Variants in HECW1 observed in about 807,000 individuals in gnomAD.
HECW1 encodes the protein E3 ubiquitin-protein ligase HECW1.
In HECW1, 61 loss-of-function variants were observed where a neutral mutation model predicts 182.3. That is an observed-to-expected ratio of 0.33 (90% CI 0.27 to 0.41). HECW1 has a LOEUF of 0.41. Among genes scored for constraint, HECW1 ranks in the 10% least tolerant of loss-of-function variants. The pLI is 1.00. For synonymous variants in HECW1, 859 were observed against 832.6 expected (o/e 1.03, Z -0.55); for missense variants, 1,739 against 2,108.9 (o/e 0.82, Z 3.44).
chr7:43,271,829 T>G (rs1384894816), intron 3 of HECW1, among the ~76,000 whole-genome samples: 1 of 152,052 alleles, frequency 6.6e-6, no homozygotes, highest in Non-Finnish European at 1.5e-5. Flanking sequence ...TGTCATTTTT[T>G]ACAGAATTGG....
At chr7:43,264,209 A>G (rs1426908409) in intron 3 of HECW1, among the ~76,000 whole-genome samples, 1 of 152,176 alleles carries the variant, frequency 6.6e-6, no homozygotes, top group East Asian at 1.9e-4. Context: ...TGACGGAAAC[A>G]TTATACCTTT....
At chr7:43,158,374 C>G (rs1264608900) in intron 2 of HECW1, among the ~76,000 whole-genome samples, 1 of 152,066 alleles carries the variant, frequency 6.6e-6, no homozygotes, top group East Asian at 1.9e-4. Context: ...TATTGTAGAA[C>G]TTTTAGAAAA....
At chr7:43,188,824 G>A (rs1473163279) in intron 2 of HECW1, among the ~76,000 whole-genome samples, 2 of 152,198 alleles carry the variant, frequency 1.3e-5, no homozygotes, top group Non-Finnish European at 2.9e-5. Flanking sequence ...TTGGCCAACA[G>A]TACAGTGCCT....
chr7:43,547,975 G>C (rs891770968), intron 26 of HECW1, among the ~76,000 whole-genome samples: 1 of 152,082 alleles, frequency 6.6e-6, no homozygotes, highest in Non-Finnish European at 1.5e-5. Flanking sequence ...TGCGTTCATC[G>C]CAAAAAACAG....
intron 2 of HECW1, among the ~76,000 whole-genome samples, chr7:43,189,863 G>A (rs1793739548): frequency 6.6e-6 from 1 of 152,124 alleles, no homozygotes; most frequent in South Asian, 2.1e-4. Context: ...AGTTCCAAAA[G>A]TGCCTGGTAT....
At chr7:43,438,204 A>C (rs2076769706) in intron 9 of HECW1, 59 bp downstream of exon 9, 17 of 1,516,824 alleles carry the variant, frequency 1.1e-5, no homozygotes, top group Non-Finnish European at 1.5e-5. Flanking sequence ...TCGTGCCCAA[A>C]GGTGGCCTGT....
intron 5 of HECW1, among the ~76,000 whole-genome samples, chr7:43,354,966 G>C (rs1814919281): frequency 6.6e-6 from 1 of 150,972 alleles, no homozygotes; most frequent in Non-Finnish European, 1.5e-5. Flanking sequence ...TCAGGCAGCA[G>C]ACTTCTTAAT....
chr7:43,173,433 T>C (rs1791889828), intron 2 of HECW1, among the ~76,000 whole-genome samples: 1 of 152,166 alleles, frequency 6.6e-6, no homozygotes, highest in Non-Finnish European at 1.5e-5. Flanking sequence ...TCTGATTAAA[T>C]AAAGTTCTCT....
intron 3 of HECW1, among the ~76,000 whole-genome samples, chr7:43,294,625 C>T (rs1475147732): frequency 6.6e-6 from 1 of 152,184 alleles, no homozygotes; most frequent in Non-Finnish European, 1.5e-5. Flanking sequence ...GCAACATTTC[C>T]TGAAGGGGTC....
rs1376436304 is a variant in HECW1, at chr7:43,541,235, G to A, written c.4092G>A (p.Arg1364=). Residue 1364 remains arginine, a synonymous_variant, in exon 25 of 30, where the codon AGG becomes AGA. Coordinates refer to ENST00000395891, the MANE Select transcript of HECW1 (RefSeq NM_015052.5). ...HQYLLDAFFT[R]PFYKALLRLP... is the part of the protein sequence containing the mutation. ...ACCTTCTTGACGCTTTCTTCACGAG[G>A]CCCTTCTACAAGGCACTCCTGAGAC... 1.1e-5 allele frequency: 17 copies of A among 1,613,942 alleles called. No individual in the cohort carries two copies. Among genetic ancestry groups the A allele is most frequent in the Non-Finnish European group, 1.4e-5 (17 of 1,179,972 alleles).
rs997693607 is a variant in HECW1 at position 43,407,688 on chromosome 7, C to A, written c.758C>A (p.Ser253Tyr). ...CCTCACCATGGACAGGAGAGGAGAT[C>A]CAAGATCATAGGCAACACCGTGAAC... is the stretch of plus-strand genomic sequence containing the variant. ...ALPHHGQERR[S>Y]KIIGNTVNPI... is the part of the protein sequence containing the mutation. Residue 253 changes from serine to tyrosine, a missense_variant, in exon 8 of 30, where the codon TCC (serine) becomes TAC (tyrosine). Ser to Tyr is a moderately radical substitution (Grantham distance 144). This residue lies in a region of HECW1 where 279 missense variants were observed against 353.1 expected (regional missense o/e 0.79). Coordinates refer to ENST00000395891, the MANE Select transcript of HECW1 (RefSeq NM_015052.5). 1 of 1,613,828 alleles carries A rather than the reference C, an allele frequency of 6.2e-7. No individual in the cohort carries two copies. Among genetic ancestry groups the A allele is most frequent in the African/African-American group, 1.3e-5 (1 of 74,860 alleles).
intron 8 of HECW1, among the ~76,000 whole-genome samples, chr7:43,433,818 A>G (rs533566043): frequency 5.3e-5 from 8 of 152,324 alleles, no homozygotes; most frequent in Non-Finnish European, 8.8e-5. Context: ...ATGAGGAGCC[A>G]TTTATTCATT....
intron 23 of HECW1, 115 bp downstream of exon 23, chr7:43,508,246 C>G (rs532138296): frequency 3.2e-6 from 2 of 616,860 alleles, no homozygotes; most frequent in African/African-American, 3.7e-5. Flanking sequence ...CACCCCAATG[C>G]GATTCTGATC....
intron 5 of HECW1, among the ~76,000 whole-genome samples, chr7:43,345,006 G>T (rs1813495409): frequency 6.6e-6 from 1 of 151,954 alleles, no homozygotes; most frequent in Non-Finnish European, 1.5e-5. Context: ...TTTGTATAAG[G>T]GTTTATAGTC....
At chr7:43,341,882 A>C (rs1813046609) in intron 5 of HECW1, among the ~76,000 whole-genome samples, 1 of 151,822 alleles carries the variant, frequency 6.6e-6, no homozygotes, top group Non-Finnish European at 1.5e-5. Context: ...TACTTTAATG[A>C]TAATTTTACT....
intron 7 of HECW1, among the ~76,000 whole-genome samples, chr7:43,403,979 T>C (rs2075516547): frequency 6.6e-6 from 1 of 152,212 alleles, no homozygotes; most frequent in African/African-American, 2.4e-5. Flanking sequence ...TATTCTCCTT[T>C]AACGTAGCAT....
At chr7:43,327,919 G>A (rs955684076) in intron 5 of HECW1, among the ~76,000 whole-genome samples, 2 of 151,538 alleles carry the variant, frequency 1.3e-5, no homozygotes, top group Non-Finnish European at 2.9e-5. Context: ...AGAAGTACAG[G>A]AAAGATAAGT....
At chr7:43,241,659 T>C (rs1360845849) in intron 2 of HECW1, among the ~76,000 whole-genome samples, 1 of 147,814 alleles carries the variant, frequency 6.8e-6, no homozygotes, top group African/African-American at 2.5e-5. Flanking sequence ...TGTGTGTGTG[T>C]GTTTAATTAA....
intron 28 of HECW1, among the ~76,000 whole-genome samples, chr7:43,552,932 C>T (rs2081890607): frequency 6.6e-6 from 1 of 152,180 alleles, no homozygotes; most frequent in Non-Finnish European, 1.5e-5. Context: ...GAGTCTCTGG[C>T]TTAACTCGAT....
Sources: gnomAD v4.1 joint callset for allele counts (sites outside exome capture counted in the v4.1 genomes callset) on GRCh38, gnomAD v4.1.1 for gene constraint, gnomAD v4.1.1 regional missense constraint, MANE v1.5 for transcripts, NCBI Gene and HGNC (gene_info 2026-07-23, HGNC 2026-07-21) for gene names.